IFT172: variants seen among roughly 807,000 people sequenced by gnomAD.
IFT172 encodes the protein intraflagellar transport protein 172 homolog.
Under a neutral mutation model 248.9 loss-of-function variants are expected in IFT172, and 164 were observed. That is an observed-to-expected ratio of 0.66 (90% CI 0.58 to 0.75). The LOEUF (loss-of-function observed/expected upper bound fraction) is 0.75. IFT172 is among the 30% of genes least tolerant of loss of function. IFT172 has a pLI of 0.00. For missense variants in IFT172, 1,950 were observed against 2,192.4 expected (o/e 0.89, Z 2.21); for synonymous variants, 729 against 791.6 (o/e 0.92, Z 1.33).
chr2:27,469,107 A>T (rs987655037), intron 16 of IFT172, among the ~76,000 whole-genome samples: 2 of 152,148 alleles, frequency 1.3e-5, no homozygotes, highest in Non-Finnish European at 2.9e-5. Context: ...GAAATTTCTA[A>T]ATAAGGCTGG....
At position 27,480,110 on chromosome 2, in the gene IFT172, C is replaced by T; in HGVS notation, c.825G>A (p.Trp275Ter). ...TAATCTCCTTGGGCTTTGCCTCTTC[C>T]CAGATGCTTCTTCGAGGGATCCAGT... The part of the protein sequence containing the change: ...VFNWIPRRSI[W>*]EEAKPKEITN... Residue 275 changes from tryptophan (W) to a stop codon, truncating the protein, a stop_gained, in exon 9 of 48, where the codon TGG (tryptophan) becomes TGA (stop). Transcript: ENST00000260570. LOFTEE classifies it high-confidence loss of function. 6.2e-7 allele frequency: 1 copy of T among 1,614,000 alleles called. No homozygotes were observed. Among genetic ancestry groups the T allele is most frequent in the Non-Finnish European group, 8.5e-7 (1 of 1,179,950 alleles).
chr2:27,467,844 A>C (rs1368917258), intron 16 of IFT172, among the ~76,000 whole-genome samples: 1 of 152,064 alleles, frequency 6.6e-6, no homozygotes, highest in East Asian at 1.9e-4. Flanking sequence ...AGGAAACACA[A>C]TCTATACTAA....
At chr2:27,472,794 A>C (rs1474772938) in intron 14 of IFT172, among the ~76,000 whole-genome samples, 2 of 152,232 alleles carry the variant, frequency 1.3e-5, no homozygotes. Flanking sequence ...CAAACCTCTG[A>C]CTAAAGTTAG....
At position 27,481,216 on chromosome 2, in the gene IFT172, C is replaced by T. The variant is rs942893377; in HGVS notation, c.615G>A (p.Trp205Ter). ...CTGCAGCCACGATGCTATTGGTTGC[C>T]CATGCCAAGGCATAGGGTGGACACG... ...NHPCPPYALA[W>*]ATNSIVAAGC... Residue 205 changes from tryptophan to a stop codon, truncating the protein, a stop_gained, in exon 8 of 48, where the codon TGG (tryptophan) becomes TGA (stop). Coordinates refer to ENST00000260570, the MANE Select transcript of IFT172 (RefSeq NM_015662.3). LOFTEE classifies it high-confidence loss of function. 1.2e-6 allele frequency: 2 copies of T among 1,612,644 alleles called. No individual in the cohort carries two copies. The highest frequency in any genetic ancestry group is 1.7e-6 in the Non-Finnish European group (2 of 1,179,974).
rs572005910 is a variant in IFT172, at chr2:27,451,706, C to T, written c.3952-1610G>A. ...GCCTAAACCCAGGAGGCGGAGCTTG[C>T]AGTGAGCCGAGATTGCACCACTGCA... On this transcript the variant is annotated intron_variant, in intron 35 of 47. Transcript: ENST00000260570. Among the ~76,000 whole-genome samples the T allele has an allele frequency of 2.5e-3, 375 of 152,306 alleles. 1 individual carries two copies. The highest frequency in any genetic ancestry group is 8.5e-3 in the African/African-American group (354 of 41,570).
At chr2:27,460,909 A>C in intron 23 of IFT172, 106 bp downstream of exon 23, 1 of 1,188,966 alleles carries the variant, frequency 8.4e-7, no homozygotes, top group Non-Finnish European at 1.2e-6. Context: ...ACCTTACGAG[A>C]AACACCCACA....
intron 29 of IFT172, 71 bp downstream of exon 29, chr2:27,457,568 C>A: frequency 2.2e-6 from 3 of 1,370,842 alleles, no homozygotes; most frequent in Non-Finnish European, 3.1e-6. Flanking sequence ...GAGTGAGACC[C>A]TTTCTGAAAA....
At chr2:27,484,576 G>A (rs1668614987) in intron 3 of IFT172, among the ~76,000 whole-genome samples, 2 of 152,126 alleles carry the variant, frequency 1.3e-5, no homozygotes, top group South Asian at 2.1e-4. Flanking sequence ...GGGTGACAGA[G>A]TGAGACTCTA....
chr2:27,453,782 A>C (rs1483355516), intron 33 of IFT172, 43 bp from the exon 34 acceptor site: 2 of 1,547,996 alleles, frequency 1.3e-6, no homozygotes, highest in Admixed American at 3.6e-5. Flanking sequence ...GGCAGGCCTG[A>C]CAGCTTCCCA....
intron 7 of IFT172, 90 bp downstream of exon 7, chr2:27,483,199 T>C: frequency 1.3e-6 from 1 of 778,826 alleles, no homozygotes; most frequent in Admixed American, 2.2e-5. Flanking sequence ...GTTTTTTTGG[T>C]AGAGACAGGG....
At position 27,449,317 on chromosome 2, in the gene IFT172, A is replaced by C; in HGVS notation, c.4288T>G (p.Cys1430Gly). ...ACCTGCTTGGTAGCTGTTTCAATGC[A>C]CTTGTCCCACTGGCCCTGCTCCACA... ...LYVEQGQWDKCIETATKQNYK... is the reference protein window; with the variant it reads ...LYVEQGQWDKGIETATKQNYK... The change falls in exon 39 of 48, where the codon TGC (cysteine) becomes GGC (glycine). Residue 1430 changes from cysteine to glycine, a missense_variant. Cys to Gly is a radical substitution (Grantham distance 159). Transcript: ENST00000260570. 1 of 1,614,122 alleles carries C rather than the reference A, an allele frequency of 6.2e-7. No individual in the cohort carries two copies. Among genetic ancestry groups the C allele is most frequent in the Non-Finnish European group, 8.5e-7 (1 of 1,180,014 alleles).
In IFT172 at chr2:27,489,710, G is replaced by T; in HGVS notation, c.-57C>A. 1 of 1,398,536 alleles carries T rather than the reference G, an allele frequency of 7.2e-7. No individual in the cohort carries two copies. The highest frequency in any genetic ancestry group is 1.0e-6 in the Non-Finnish European group (1 of 996,280). 86.6% of individuals were successfully genotyped at this position (1,398,536 alleles called of 1,614,324 possible). Reference sequence around the variant, plus strand: ...CAGCGACAACTCCCGTGGTTACCTGGACAACCCGCCACGCAGCCGCAGCGA... The same window carrying T: ...CAGCGACAACTCCCGTGGTTACCTGTACAACCCGCCACGCAGCCGCAGCGA... On this transcript the variant is annotated 5_prime_UTR_variant, in exon 1 of 48. Coordinates refer to ENST00000260570, the MANE Select transcript of IFT172 (RefSeq NM_015662.3).
chr2:27,482,279 G>A (rs1337892091), intron 7 of IFT172, among the ~76,000 whole-genome samples: 2 of 147,128 alleles, frequency 1.4e-5, no homozygotes, highest in African/African-American at 5.0e-5. Context: ...CACTGTGCCC[G>A]GCCTATACAA....
At chr2:27,486,680 A>T (rs1013871644) in intron 1 of IFT172, among the ~76,000 whole-genome samples, 1 of 152,240 alleles carries the variant, frequency 6.6e-6, no homozygotes, top group South Asian at 2.1e-4. Context: ...TTAGGTTAGA[A>T]GGCCTGAGGG....
intron 17 of IFT172, 40 bp downstream of exon 17, chr2:27,465,706 A>G: frequency 6.2e-7 from 1 of 1,612,118 alleles, no homozygotes. Context: ...TCAGAACCAG[A>G]CTCTCCCACC....
rs753562959 is a variant in IFT172, at chr2:27,445,430, A to G, written c.4934T>C (p.Val1645Ala). The G allele has an allele frequency of 2.4e-5, 39 of 1,611,202 alleles. No homozygotes were observed. Among genetic ancestry groups the G allele is most frequent in the Non-Finnish European group, 3.3e-5 (39 of 1,178,944 alleles). Residue 1645 changes from valine to alanine, a missense_variant, in exon 46 of 48, where the codon GTT becomes GCT. By Grantham distance (64) the Val-to-Ala change is moderately conservative. This residue lies in a region of IFT172 where 620 missense variants were observed against 699.0 expected (regional missense o/e 0.89). Coordinates refer to ENST00000260570, the MANE Select transcript of IFT172 (RefSeq NM_015662.3). The surrounding 1 kb of genome is among the most constrained non-coding windows in gnomAD (Gnocchi z 4.4). ...GGAGACTGTAAGCACCCAGTCTCGA[A>G]CCTCTTCTCTCTCAGCCTCCTGGAA... The part of the protein sequence containing the change: ...QHVPEAEREE[V>A]RDWVLTVSMD...
intron 15 of IFT172, chr2:27,471,964 G>A: frequency 2.1e-6 from 1 of 468,404 alleles, no homozygotes; most frequent in East Asian, 3.3e-5. Context: ...CTTGAACCCG[G>A]GAGGCAGAAG....
intron 35 of IFT172, chr2:27,453,012 C>A: frequency 2.9e-6 from 1 of 347,414 alleles, no homozygotes; most frequent in Non-Finnish European, 5.6e-6. Flanking sequence ...TGGAGTTGCC[C>A]TTCCAGCTCC....
chr2:27,448,644 G>A (rs547972843), intron 40 of IFT172, among the ~76,000 whole-genome samples: 84 of 152,288 alleles, frequency 5.5e-4, no homozygotes, highest in Middle Eastern at 3.4e-3. Context: ...ATCTCTGAAA[G>A]ACAGGTGCCT....
Sources: gnomAD v4.1 joint callset for allele counts (sites outside exome capture counted in the v4.1 genomes callset) on GRCh38, gnomAD v4.1.1 for gene constraint, gnomAD v4.1.1 regional missense constraint, Gnocchi (gnomAD v3.1) non-coding constraint, MANE v1.5 for transcripts, NCBI Gene and HGNC (gene_info 2026-07-23, HGNC 2026-07-21) for gene names.